The following TSHZ1 variants were observed in gnomAD, a reference collection of about 807,000 sequenced individuals.
TSHZ1 encodes the protein teashirt homolog 1.
A neutral mutation model predicts 67.1 loss-of-function variants in TSHZ1; 12 were observed. That is an observed-to-expected ratio of 0.18 (90% confidence interval 0.11 to 0.29). The LOEUF is 0.29. Ranked by LOEUF, TSHZ1 falls within the 10% of genes least tolerant of loss-of-function variation. The probability of loss-of-function intolerance (pLI) is 1.00; values close to 1 mark genes in which losing one functional copy is unlikely to be tolerated. For missense variants in TSHZ1, 1,305 were observed against 1,413.9 expected, an observed-to-expected ratio of 0.92 and a Z score of 1.23; for synonymous variants, 632 against 622.4, an observed-to-expected ratio of 1.02 and a Z score of -0.23.
Position 75,287,271 on chromosome 18 carries a change from C to T in TSHZ1, c.1864C>T (p.His622Tyr). The stretch of plus-strand genomic sequence containing the variant: ...TTCCGCCGAGCACAACGCCCTCCTG[C>T]ACTCCCCAGGGAGCCTCACGCCCCC... Reference protein sequence around the residue: ...LSSAEHNALLHSPGSLTPPPH... With the variant: ...LSSAEHNALLYSPGSLTPPPH... Residue 622 changes from histidine (H) to tyrosine (Y), a missense_variant, in exon 2 of 2, where the codon CAC (histidine) becomes TAC (tyrosine). Around this residue, in one of 3 missense-constraint regions of TSHZ1, gnomAD observed 909 missense variants for 961.8 expected, o/e 0.95. Transcript: ENST00000580243. The surrounding 1 kb of genome is among the most constrained non-coding windows in gnomAD (Gnocchi z 5.0). 1 of 1,614,014 alleles carries T rather than the reference C, an allele frequency of 6.2e-7. No individual in the cohort carries two copies. Among genetic ancestry groups the T allele is most frequent in the Admixed American group, 1.7e-5 (1 of 60,028 alleles).
intron 1 of TSHZ1, among the ~76,000 whole-genome samples, chr18:75,261,404 CT>C (rs2023429139): frequency 6.6e-6 from 1 of 152,196 alleles, no homozygotes; most frequent in Non-Finnish European, 1.5e-5. Context: ...TGTCAGGAGT[CT>C]TGTCAGCTCA....
At chr18:75,283,445 G>C (rs1039225318) in intron 1 of TSHZ1, 5 of 152,250 alleles carry the variant, frequency 3.3e-5, no homozygotes, top group African/African-American at 9.6e-5. Flanking sequence ...TTACGGGAGA[G>C]TCATAGAATC....
rs553525215 is a variant in TSHZ1, at chr18:75,281,514, A to C, written c.41-3934A>C. On this transcript the variant is annotated intron_variant, in intron 1 of 1. Transcript: ENST00000580243. The surrounding 1 kb of genome is among the most constrained non-coding windows in gnomAD (Gnocchi z 5.3). ...CTACATGGGGCCAGGCCCTGAAAGC[A>C]CCATGGGGGTGGCATGACAGGCGTC... Among the ~76,000 whole-genome samples, 4 of 152,134 alleles carry C rather than the reference A, an allele frequency of 2.6e-5. No homozygotes were observed. The South Asian group carries it at 8.3e-4, about 32-fold the overall frequency.
chr18:75,255,431 A>AT (rs2023351314), intron 1 of TSHZ1, among the ~76,000 whole-genome samples: 1 of 152,208 alleles, frequency 6.6e-6, no homozygotes. Context: ...GTAACATGCT[A>AT]TTTATACTTA....
In TSHZ1 at chr18:75,285,690, G is replaced by C; in HGVS notation, c.283G>C (p.Glu95Gln). 6.2e-7 allele frequency: 1 copy of C among 1,614,116 alleles called. No individual in the cohort carries two copies. The highest frequency in any genetic ancestry group is 8.5e-7 in the Non-Finnish European group (1 of 1,180,004). ...CCATTTCAAAGGCTCTTCCTCTCGA[G>C]AAGAGAAGGAGGATCCGCAGTGTCC... ...LAHFKGSSSR[E>Q]EKEDPQCPDS... Residue 95 changes from glutamate (E) to glutamine (Q), a missense_variant, in exon 2 of 2, where the codon GAA (glutamate) becomes CAA (glutamine). Coordinates refer to ENST00000580243, the MANE Select transcript of TSHZ1 (RefSeq NM_001308210.2).
intron 1 of TSHZ1, among the ~76,000 whole-genome samples, chr18:75,217,556 A>G (rs2022786592): frequency 6.6e-6 from 1 of 152,336 alleles, no homozygotes; most frequent in Admixed American, 6.5e-5. Context: ...CTTCTGGTTT[A>G]TCCTTTTTAA....
intron 1 of TSHZ1, among the ~76,000 whole-genome samples, chr18:75,263,177 T>TA (rs1314486132): frequency 1.3e-5 from 2 of 152,164 alleles, no homozygotes; most frequent in South Asian, 4.1e-4. Flanking sequence ...TATCTTTTTT[T>TA]AAAAAAATTC....
At position 75,231,309 on chromosome 18, in the gene TSHZ1, A is replaced by G. The variant is rs148735607; in HGVS notation, c.40+19393A>G. Among the ~76,000 whole-genome samples the G allele has an allele frequency of 6.2e-3, 943 of 152,260 alleles. 15 individuals are homozygous for G. The highest frequency in any genetic ancestry group is 0.021 in the African/African-American group (893 of 41,546). On this transcript the variant is annotated intron_variant, in intron 1 of 1. Coordinates refer to ENST00000580243, the MANE Select transcript of TSHZ1 (RefSeq NM_001308210.2). ...CCAGGCTGCCTTTGCCCATTACCAC[A>G]ACACTGTGATCCTGCCTGGGGCATG... is the stretch of plus-strand genomic sequence containing the variant.
intron 1 of TSHZ1, among the ~76,000 whole-genome samples, chr18:75,234,008 TGGA>T (rs1317891285): frequency 6.6e-6 from 1 of 152,140 alleles, no homozygotes; most frequent in Non-Finnish European, 1.5e-5. Context: ...CTCTTTGAAA[TGGA>T]GGGCCACACT....
intron 1 of TSHZ1, among the ~76,000 whole-genome samples, chr18:75,264,555 C>G (rs952152676): frequency 6.6e-6 from 1 of 151,070 alleles, no homozygotes; most frequent in Admixed American, 6.6e-5. Context: ...AGGAATTGCA[C>G]TCTGATACAT....
intron 1 of TSHZ1, among the ~76,000 whole-genome samples, chr18:75,263,560 T>C (rs923502262): frequency 1.4e-4 from 22 of 152,358 alleles, no homozygotes; most frequent in African/African-American, 5.3e-4. Flanking sequence ...TTTGCTTTAG[T>C]GATGGTGCCA....
chr18:75,278,067 A>T (rs577789742), intron 1 of TSHZ1, among the ~76,000 whole-genome samples: 2 of 151,752 alleles, frequency 1.3e-5, no homozygotes, highest in East Asian at 3.9e-4. Context: ...GATCTGTTCT[A>T]CTAAAGAAAC....
chr18:75,245,967 T>C (rs2023216432), intron 1 of TSHZ1, among the ~76,000 whole-genome samples: 1 of 152,208 alleles, frequency 6.6e-6, no homozygotes, highest in African/African-American at 2.4e-5. Flanking sequence ...CTTCCACAAA[T>C]ACAATGCTCT....
intron 1 of TSHZ1, among the ~76,000 whole-genome samples, chr18:75,252,097 C>T (rs1009048456): frequency 8.5e-5 from 13 of 152,180 alleles, no homozygotes; most frequent in African/African-American, 2.4e-4. Context: ...TTATCTCTGT[C>T]TCTGTATCTA....
chr18:75,244,976 CTT>C lies in TSHZ1; in HGVS notation c.40+33061_40+33062del, dbSNP rs557880537. Among the ~76,000 whole-genome samples the C allele has an allele frequency of 1.2e-3, 179 of 152,278 alleles. 1 individual carries two copies. Among genetic ancestry groups the C allele is most frequent in the African/African-American group, 3.9e-3 (164 of 41,550 alleles). ...TCTCCACCTTCCCCCATCTCTCTCT[CTT>C]GTCTGTCTCTCCCTCCCTCTTTCTG... On this transcript the variant is annotated intron_variant, in intron 1 of 1. Transcript: ENST00000580243.
intron 1 of TSHZ1, among the ~76,000 whole-genome samples, chr18:75,272,734 G>T (rs1333615236): frequency 6.6e-6 from 1 of 152,164 alleles, no homozygotes; most frequent in Non-Finnish European, 1.5e-5. Flanking sequence ...CCATAGCGTC[G>T]TTGTCAATCC....
chr18:75,260,643 G>A (rs2023419429), intron 1 of TSHZ1, among the ~76,000 whole-genome samples: 2 of 152,336 alleles, frequency 1.3e-5, no homozygotes, highest in Admixed American at 1.3e-4. Context: ...TCAAAAAGGT[G>A]TGCAGAGGGC....
chr18:75,277,238 G>A (rs2023624459), intron 1 of TSHZ1, among the ~76,000 whole-genome samples: 1 of 152,220 alleles, frequency 6.6e-6, no homozygotes, highest in African/African-American at 2.4e-5. Context: ...GAAGGGATGG[G>A]CTTGGGCTGG....
intron 1 of TSHZ1, among the ~76,000 whole-genome samples, chr18:75,217,439 A>G (rs2022784914): frequency 6.6e-6 from 1 of 151,714 alleles, no homozygotes; most frequent in African/African-American, 2.4e-5. Context: ...CACTTGTCAT[A>G]GTAGTGTTTT....
Sources: allele counts gnomAD v4.1 joint callset (sites outside exome capture counted in the v4.1 genomes callset), GRCh38; gene constraint gnomAD v4.1.1; regional missense constraint gnomAD v4.1.1; non-coding constraint Gnocchi (gnomAD v3.1); transcripts MANE v1.5; gene names NCBI Gene and HGNC (gene_info 2026-07-23, HGNC 2026-07-21).